Variants in FAM186A observed in about 807,000 individuals in gnomAD.
FAM186A encodes the protein family with sequence similarity 186 member A, also known as protein FAM186A.
In FAM186A, 163 loss-of-function variants were observed where a neutral mutation model predicts 216.8. The observed-to-expected ratio is 0.75, with a 90% confidence interval of 0.66 to 0.86. FAM186A has a LOEUF of 0.86. Ranked by LOEUF, FAM186A falls within the 40% of genes least tolerant of loss-of-function variation. The pLI, the probability that FAM186A is intolerant of heterozygous loss-of-function variation, is 0.00. For synonymous variants in FAM186A, 805 were observed against 1,025.3 expected (o/e 0.79, Z 4.10); for missense variants, 2,184 against 2,746.2 (o/e 0.80, Z 4.58).
chr12:50,362,211 A>C (rs1943042609), intron 2 of FAM186A, among the ~76,000 whole-genome samples: 1 of 149,202 alleles, frequency 6.7e-6, no homozygotes, highest in African/African-American at 2.5e-5. Context: ...GAGCTCAGGC[A>C]ATCCACCTGC....
intron 1 of FAM186A, among the ~76,000 whole-genome samples, chr12:50,373,254 G>A (rs61926181): frequency 0.028 from 4,200 of 152,044 alleles, 103 homozygotes; most frequent in Non-Finnish European, 0.041. Context: ...AAAATTAGCC[G>A]GGTGTGGTGG....
At chr12:50,348,534 G>T (rs1942843887) in intron 4 of FAM186A, among the ~76,000 whole-genome samples, 1 of 151,656 alleles carries the variant, frequency 6.6e-6, no homozygotes, top group East Asian at 2.0e-4. Context: ...ATATTTACTT[G>T]TATTTTTTTA....
At position 50,334,237 on chromosome 12, in the gene FAM186A, T is replaced by C. The variant is rs375301684; in HGVS notation, c.6504-134A>G. 1.0e-4 allele frequency: 75 copies of C among 737,564 alleles called. 1 individual carries two copies. In the East Asian group the frequency reaches 2.0e-3, roughly 19 times the overall value. 45.7% of individuals were successfully genotyped at this position (737,564 alleles called of 1,614,324 possible). On this transcript the variant is annotated intron_variant, in intron 4 of 7. Transcript: ENST00000327337. Reference sequence around the variant, plus strand: ...CCAGGCTGGAGGTGCAATGGTGCAATCATGGCTTATTGCAACCTCCACCTC... The same window carrying C: ...CCAGGCTGGAGGTGCAATGGTGCAACCATGGCTTATTGCAACCTCCACCTC...
At chr12:50,394,552 CA>C (rs939935514) in intron 1 of FAM186A, among the ~76,000 whole-genome samples, 46 of 143,470 alleles carry the variant, frequency 3.2e-4, no homozygotes, top group East Asian at 8.1e-4. Context: ...TAGTCTGCCT[CA>C]AAAAAAAAAA....
chr12:50,363,097 T>G, intron 2 of FAM186A, 48 bp downstream of exon 2: 2 of 1,426,410 alleles, frequency 1.4e-6, no homozygotes, highest in Non-Finnish European at 9.4e-7. Flanking sequence ...TCTCTTCTCT[T>G]TTTCATTAAC....
At chr12:50,338,123 A>C (rs1942728626) in intron 4 of FAM186A, among the ~76,000 whole-genome samples, 1 of 152,188 alleles carries the variant, frequency 6.6e-6, no homozygotes, top group African/African-American at 2.4e-5. Context: ...CTGAGCATCT[A>C]CTATGGTAAT....
chr12:50,342,771 C>A (rs528410660), intron 4 of FAM186A, among the ~76,000 whole-genome samples: 2 of 106,642 alleles, frequency 1.9e-5, no homozygotes, highest in African/African-American at 2.7e-5. Flanking sequence ...CCGCTCCCGA[C>A]CTTTTTTTTT....
intron 2 of FAM186A, among the ~76,000 whole-genome samples, chr12:50,361,215 T>C (rs1295262251): frequency 6.6e-6 from 1 of 152,232 alleles, no homozygotes; most frequent in African/African-American, 2.4e-5. Flanking sequence ...TTGTTTTGTT[T>C]TGAGACAGAG....
intron 1 of FAM186A, among the ~76,000 whole-genome samples, chr12:50,365,132 T>TA (rs1490630768): frequency 6.6e-6 from 1 of 150,844 alleles, no homozygotes; most frequent in Non-Finnish European, 1.5e-5. Flanking sequence ...CGTAAATCAA[T>TA]AAAAAAATGT....
At chr12:50,347,307 G>A (rs973565714) in intron 4 of FAM186A, among the ~76,000 whole-genome samples, 6 of 152,220 alleles carry the variant, frequency 3.9e-5, no homozygotes, top group Middle Eastern at 3.4e-3. Flanking sequence ...CAGAAATAAC[G>A]TATCAATTCT....
chr12:50,343,496 G>A (rs1192746293), intron 4 of FAM186A, among the ~76,000 whole-genome samples: 1 of 151,322 alleles, frequency 6.6e-6, no homozygotes, highest in Non-Finnish European at 1.5e-5. Context: ...TGGTGCAGTG[G>A]TGCGATCTTG....
At chr12:50,327,552 T>A in intron 7 of FAM186A, 148 bp from the exon 8 acceptor site, 1 of 639,156 alleles carries the variant, frequency 1.6e-6, no homozygotes. Flanking sequence ...TTTTTTTTTT[T>A]TTTTTTTGAG....
At chr12:50,336,474 G>C (rs955055354) in intron 4 of FAM186A, among the ~76,000 whole-genome samples, 14 of 152,106 alleles carry the variant, frequency 9.2e-5, no homozygotes, top group Non-Finnish European at 4.4e-5. Flanking sequence ...TGGGGTGCTT[G>C]TTGAAAATGC....
At chr12:50,389,963 G>A (rs1943342212) in intron 1 of FAM186A, among the ~76,000 whole-genome samples, 1 of 152,180 alleles carries the variant, frequency 6.6e-6, no homozygotes, top group African/African-American at 2.4e-5. Flanking sequence ...AGGCACTAGT[G>A]GCTCCTATTT....
intron 1 of FAM186A, among the ~76,000 whole-genome samples, chr12:50,385,734 C>G (rs1466081534): frequency 1.3e-5 from 2 of 151,570 alleles, no homozygotes; most frequent in Admixed American, 6.6e-5. Context: ...AACCCCGTCT[C>G]TACTAAAAAT....
intron 3 of FAM186A, among the ~76,000 whole-genome samples, chr12:50,357,500 G>GA (rs35933165): frequency 0.019 from 703 of 37,170 alleles, 10 homozygotes; most frequent in African/African-American, 0.053. Flanking sequence ...GACTCTGTCT[G>GA]AAAAAAAAAA....
chr12:50,347,655 G>A (rs539907776), intron 4 of FAM186A, among the ~76,000 whole-genome samples: 1 of 146,060 alleles, frequency 6.8e-6, no homozygotes, highest in Non-Finnish European at 1.5e-5. Context: ...GAACCCAGGA[G>A]GCAAAAGAGG....
At chr12:50,394,912 T>C (rs1943398866) in intron 1 of FAM186A, among the ~76,000 whole-genome samples, 1 of 151,480 alleles carries the variant, frequency 6.6e-6, no homozygotes, top group Non-Finnish European at 1.5e-5. Context: ...AAATTTTTTC[T>C]AGAGACAGGG....
chr12:50,352,943 G>T lies in FAM186A; in HGVS notation c.3889C>A (p.Gln1297Lys). 2.0e-6 allele frequency: 3 copies of T among 1,533,134 alleles called. No individual in the cohort carries two copies. Among genetic ancestry groups the T allele is most frequent in the Admixed American group, 4.0e-5 (2 of 49,654 alleles). The allele number at this position is 1,533,134 out of a possible 1,614,324, so 95.0% of individuals were successfully genotyped here. ...GGGGTGAGAGGGATCCCCAGGGTCT[G>T]GGCCTGCTGAGGGTTGAGAGGGATC... ...LGIPLNPQQA[Q>K]TLGIPLTPKQ... is the part of the protein sequence containing the mutation. Residue 1297 changes from glutamine to lysine, a missense_variant, in exon 4 of 8, where the codon CAG becomes AAG. By Grantham distance (53) the Gln-to-Lys change is moderately conservative. This residue lies in a region of FAM186A where 267 missense variants were observed against 446.2 expected (regional missense o/e 0.60). Transcript: ENST00000327337.
Sources: gnomAD v4.1 joint callset for allele counts (sites outside exome capture counted in the v4.1 genomes callset) on GRCh38, gnomAD v4.1.1 for gene constraint, gnomAD v4.1.1 regional missense constraint, MANE v1.5 for transcripts, NCBI Gene and HGNC (gene_info 2026-07-23, HGNC 2026-07-21) for gene names.